The following SLC22A23 variants were observed in gnomAD, a reference collection of about 807,000 sequenced individuals.
The protein encoded by SLC22A23 is ion transporter protein.
Under a neutral mutation model 61.0 loss-of-function variants are expected in SLC22A23, and 26 were observed. The observed-to-expected ratio is 0.43, with a 90% CI of 0.31 to 0.59. The LOEUF (loss-of-function observed/expected upper bound fraction) is 0.59. Ranked by LOEUF, SLC22A23 falls within the 20% of genes least tolerant of loss-of-function variation. The pLI, the probability that SLC22A23 is intolerant of heterozygous loss-of-function variation, is 0.11. For synonymous variants in SLC22A23, 430 were observed against 413.9 expected (o/e 1.04, Z -0.47); for missense variants, 796 against 934.7 (o/e 0.85, Z 1.94).
At position 3,269,909 on chromosome 6, in the gene SLC22A23, G is replaced by GTTTTTGTTTTC. The variant is rs1331318465; in HGVS notation, c.*3135_*3145dup. Reference sequence around the variant, plus strand: ...GTGTGATACTTCCCTTACGAGGTTTGTTTTTGTTTTCTTTCTGTTCTGTAG... The same window carrying GTTTTTGTTTTC: ...GTGTGATACTTCCCTTACGAGGTTTGTTTTTGTTTTCTTTTTGTTTTCTTTCTGTTCTGTAG... On this transcript the variant is annotated 3_prime_UTR_variant, in exon 10 of 10. Coordinates refer to ENST00000406686, the MANE Select transcript of SLC22A23 (RefSeq NM_015482.2). 2.6e-5 allele frequency: 4 copies of GTTTTTGTTTTC among 152,812 alleles called. No homozygotes were observed. Among genetic ancestry groups the GTTTTTGTTTTC allele is most frequent in the Non-Finnish European group, 4.4e-5 (3 of 68,040 alleles). The allele number at this position is 152,812 out of a possible 1,614,324, so 9.5% of individuals were successfully genotyped here.
intron 3 of SLC22A23, among the ~76,000 whole-genome samples, chr6:3,374,500 G>A (rs1473531821): frequency 2.0e-5 from 3 of 152,218 alleles, no homozygotes; most frequent in South Asian, 2.1e-4. Flanking sequence ...CAATGAGGGC[G>A]ACAAGTTGAG....
chr6:3,285,160 C>CGAGAAGA (rs765689805), intron 7 of SLC22A23, 49 bp from the exon 8 acceptor site: 9 of 1,609,340 alleles, frequency 5.6e-6, no homozygotes, highest in Admixed American at 1.7e-5. Flanking sequence ...GCCAAGCAAG[C>CGAGAAGA]GAGAAGAGAG....
intron 3 of SLC22A23, among the ~76,000 whole-genome samples, chr6:3,376,694 G>A (rs1317506889): frequency 1.3e-5 from 2 of 152,052 alleles, no homozygotes; most frequent in African/African-American, 4.8e-5. Context: ...ACTGTATTAG[G>A]TCATTTGGAC....
intron 3 of SLC22A23, among the ~76,000 whole-genome samples, chr6:3,393,800 T>G (rs1451808285): frequency 6.6e-6 from 1 of 152,246 alleles, no homozygotes; most frequent in Non-Finnish European, 1.5e-5. Context: ...AGGTTTTCAA[T>G]CGTTCCTTCA....
intron 4 of SLC22A23, among the ~76,000 whole-genome samples, chr6:3,298,772 A>T (rs1761341786): frequency 6.6e-6 from 1 of 151,892 alleles, no homozygotes; most frequent in Non-Finnish European, 1.5e-5. Context: ...GGAGATCGAG[A>T]CCATCCTGGC....
At chr6:3,409,434 T>G (rs1026571967) in intron 3 of SLC22A23, among the ~76,000 whole-genome samples, 3 of 152,238 alleles carry the variant, frequency 2.0e-5, no homozygotes, top group African/African-American at 7.2e-5. Context: ...AATCTATACC[T>G]GACTCCTGTG....
At chr6:3,449,276 A>C (rs1266767437) in intron 1 of SLC22A23, among the ~76,000 whole-genome samples, 1 of 152,236 alleles carries the variant, frequency 6.6e-6, no homozygotes, top group Non-Finnish European at 1.5e-5. Context: ...CAAGCCTTAA[A>C]GCTAACATAA....
chr6:3,356,978 C>T (rs1238577116), intron 3 of SLC22A23, among the ~76,000 whole-genome samples: 1 of 141,312 alleles, frequency 7.1e-6, no homozygotes, highest in African/African-American at 2.7e-5. Flanking sequence ...CTAAAGGCTG[C>T]AGCAGCCTGG....
intron 4 of SLC22A23, among the ~76,000 whole-genome samples, chr6:3,314,589 T>C (rs994792745): frequency 6.6e-6 from 1 of 152,184 alleles, no homozygotes; most frequent in Admixed American, 6.5e-5. Context: ...AAATCAGTAT[T>C]ACTCTGACCA....
At chr6:3,326,951 T>C (rs892855317) in intron 3 of SLC22A23, among the ~76,000 whole-genome samples, 4 of 152,208 alleles carry the variant, frequency 2.6e-5, no homozygotes, top group African/African-American at 9.7e-5. Context: ...ATTTCAGCCT[T>C]GAGTCCCGGC....
intron 5 of SLC22A23, among the ~76,000 whole-genome samples, chr6:3,295,084 G>A (rs968920398): frequency 6.6e-6 from 1 of 152,210 alleles, no homozygotes; most frequent in Non-Finnish European, 1.5e-5. Context: ...GTCGCGTCAG[G>A]CCTTCGGCTG....
At position 3,454,416 on chromosome 6, in the gene SLC22A23, C is replaced by CAA. The variant is rs1772294299; in HGVS notation, c.654+1489_654+1490insTT. ...TCACCTCTACTTTGACCCCAGGACA[C>CAA]AGCGCTCTTCACACATACTCACTTT... is the stretch of plus-strand genomic sequence containing the variant. On this transcript the variant is annotated intron_variant, in intron 1 of 9. Transcript: ENST00000406686. This position sits in a 1 kb window ranked among gnomAD's most constrained non-coding sequence, Gnocchi z 4.3. 6.6e-6 allele frequency among the ~76,000 whole-genome samples: 1 copy of CAA among 152,206 alleles called. No homozygotes were observed. Among genetic ancestry groups the CAA allele is most frequent in the Non-Finnish European group, 1.5e-5 (1 of 68,046 alleles).
At chr6:3,402,388 T>C in intron 3 of SLC22A23, among the ~76,000 whole-genome samples, 1 of 47,470 alleles carries the variant, frequency 2.1e-5, no homozygotes, top group African/African-American at 1.4e-4. Context: ...TCCTCCTTCC[T>C]TGGCTTTGTT....
At chr6:3,396,126 G>A (rs1767986223) in intron 3 of SLC22A23, among the ~76,000 whole-genome samples, 1 of 152,224 alleles carries the variant, frequency 6.6e-6, no homozygotes, top group African/African-American at 2.4e-5. Context: ...ATCTCTTAGT[G>A]ATATACGGAA....
At chr6:3,323,774 G>T in intron 4 of SLC22A23, 60 bp downstream of exon 4, 1 of 1,540,354 alleles carries the variant, frequency 6.5e-7, no homozygotes, top group South Asian at 1.2e-5. Context: ...GCCCGGGGCC[G>T]GGCCTTCAGG....
chr6:3,404,394 T>C (rs1221663957), intron 3 of SLC22A23, among the ~76,000 whole-genome samples: 4 of 152,220 alleles, frequency 2.6e-5, no homozygotes, highest in Non-Finnish European at 5.9e-5. Flanking sequence ...CCATTTTTAA[T>C]ATGCAGGTGA....
intron 9 of SLC22A23, 140 bp from the exon 10 acceptor site, chr6:3,273,552 G>A (rs117092222): frequency 3.1e-5 from 25 of 806,826 alleles, no homozygotes; most frequent in East Asian, 7.9e-5. Context: ...GACCTCACAC[G>A]TCCCATGTCA....
At chr6:3,345,077 G>GA (rs1764347725) in intron 3 of SLC22A23, among the ~76,000 whole-genome samples, 1 of 152,310 alleles carries the variant, frequency 6.6e-6, no homozygotes, top group East Asian at 1.9e-4. Context: ...CCCTATGTCT[G>GA]AATGCAAAGA....
intron 9 of SLC22A23, among the ~76,000 whole-genome samples, chr6:3,278,557 G>A (rs1346621369): frequency 6.6e-6 from 1 of 152,216 alleles, no homozygotes; most frequent in African/African-American, 2.4e-5. Context: ...ACATCAACAG[G>A]CACGTGCTGT....
Sources: gnomAD v4.1 joint callset for allele counts (sites outside exome capture counted in the v4.1 genomes callset) on GRCh38, gnomAD v4.1.1 for gene constraint, Gnocchi (gnomAD v3.1) non-coding constraint, MANE v1.5 for transcripts, NCBI Gene and HGNC (gene_info 2026-07-23, HGNC 2026-07-21) for gene names.